AMPD1: variants seen among roughly 807,000 people sequenced by gnomAD.
The protein encoded by AMPD1 is adenosine monophosphate deaminase 1.
Under a neutral mutation model 82.9 loss-of-function variants are expected in AMPD1, and 74 were observed. That is an observed-to-expected ratio of 0.89 (90% CI 0.74 to 1.08). The LOEUF is 1.08. Among genes scored for constraint, AMPD1 ranks in the 50% least tolerant of loss-of-function variants. The pLI, the probability that AMPD1 is intolerant of heterozygous loss-of-function variation, is 0.00. For synonymous variants in AMPD1, 333 were observed against 320.5 expected, an observed-to-expected ratio of 1.04 and a Z score of -0.42; for missense variants, 881 against 924.5, an observed-to-expected ratio of 0.95 and a Z score of 0.61.
At position 114,675,627 on chromosome 1, in the gene AMPD1, G is replaced by A; in HGVS notation, c.1582C>T (p.Pro528Ser). ...TCCAATGTCCACTCCTGGGGCTTGG[G>A]ACTCTTGGAGGAGAACATGTGGCCA... ...HSGHMFSSKSPKPQEWTLEKN... is the reference protein window; with the variant it reads ...HSGHMFSSKSSKPQEWTLEKN... Residue 528 changes from proline (P) to serine (S), a missense_variant, in exon 12 of 16, where the codon CCC becomes TCC. Physicochemically the swap from Pro to Ser is moderately conservative, Grantham distance 74 (BLOSUM62 -1). This residue lies in a region of AMPD1 where 783 missense variants were observed against 786.4 expected (regional missense o/e 1.00). Coordinates refer to ENST00000520113, the MANE Select transcript of AMPD1 (RefSeq NM_000036.3). 1 of 1,614,202 alleles carries A rather than the reference G, an allele frequency of 6.2e-7. No individual in the cohort carries two copies. Among genetic ancestry groups the A allele is most frequent in the African/African-American group, 1.3e-5 (1 of 75,046 alleles).
rs1161639285 is a variant in AMPD1, at chr1:114,679,703, G to C, written c.773C>G (p.Thr258Ser). 24 of 1,613,778 alleles carry C rather than the reference G, an allele frequency of 1.5e-5. No individual in the cohort carries two copies. Among genetic ancestry groups the C allele is most frequent in the Non-Finnish European group, 1.9e-5 (22 of 1,179,964 alleles). Residue 258 changes from threonine to serine, a missense_variant, in exon 7 of 16, where the codon ACC (threonine) becomes AGC (serine). Physicochemically the swap from Thr to Ser is moderately conservative, Grantham distance 58 (BLOSUM62 1). Transcript: ENST00000520113. ...GAACTTCAGGCGCCGGTGGGTATAGGTCTTACTGTGAAAAATAAAATCACA... is the reference window on the plus strand; with the variant it reads ...GAACTTCAGGCGCCGGTGGGTATAGCTCTTACTGTGAAAAATAAAATCACA... ...LALIAQGPVK[T>S]YTHRRLKFLS...
At position 114,693,435 on chromosome 1, in the gene AMPD1, C is replaced by T. The variant is rs146599099; in HGVS notation, c.34+1G>A. On this transcript the variant is annotated splice_donor_variant, in intron 2 of 15. Transcript: ENST00000520113. LOFTEE classifies it high-confidence loss of function. ...GGCAGCAAAAGTAATGCAATACTCA[C>T]GTTTCTCTTCAGCTGTATGAAGTAA... is the stretch of plus-strand genomic sequence containing the variant. 29 of 1,609,646 alleles carry T rather than the reference C, an allele frequency of 1.8e-5. No individual in the cohort carries two copies. The highest frequency in any genetic ancestry group is 8.0e-5 in the African/African-American group (6 of 74,844).
At position 114,678,024 on chromosome 1, in the gene AMPD1, C is replaced by A; in HGVS notation, c.1110G>T (p.Gln370His). The A allele has an allele frequency of 6.2e-7, 1 of 1,613,966 alleles. No homozygotes were observed. Among genetic ancestry groups the A allele is most frequent in the Non-Finnish European group, 8.5e-7 (1 of 1,180,006 alleles). ...ATTTGTCATTGAACTTATCAAAACG[C>A]TGGAAGGTCTGGCGTCCCTGAATCA... is the stretch of plus-strand genomic sequence containing the variant. ...LDVHAGRQTF[Q>H]RFDKFNDKYN... The change falls in exon 9 of 16, where the codon CAG becomes CAT. Residue 370 changes from glutamine to histidine, a missense_variant. Coordinates refer to ENST00000520113, the MANE Select transcript of AMPD1 (RefSeq NM_000036.3).
rs376193713 is a variant in AMPD1 at position 114,678,467 on chromosome 1, T to C, written c.958A>G (p.Lys320Glu). ...TCAGCATCAATTTGGTAAGATTTCT[T>C]AATAAAACGCAGCAGATGTTTCTGG... The part of the protein sequence containing the change: ...MNQKHLLRFI[K>E]KSYQIDADRV... The change falls in exon 8 of 16, where the codon AAG becomes GAG. Residue 320 changes from lysine (K) to glutamate (E), a missense_variant. Around this residue, in one of 2 missense-constraint regions of AMPD1, gnomAD observed 783 missense variants for 786.4 expected, o/e 1.00. Transcript: ENST00000520113. 93 of 1,614,072 alleles carry C rather than the reference T, an allele frequency of 5.8e-5. No individual in the cohort carries two copies. The highest frequency in any genetic ancestry group is 7.7e-5 in the Non-Finnish European group (91 of 1,180,034).
chr1:114,688,935 C>T (rs975870720), intron 2 of AMPD1, 194 bp from the exon 3 acceptor site: 4 of 762,116 alleles, frequency 5.2e-6, no homozygotes, highest in African/African-American at 3.4e-5. Context: ...TGAAAATATG[C>T]TCTCAGAAAC....
At chr1:114,677,621 G>A (rs1658027749) in intron 9 of AMPD1, 107 bp from the exon 10 acceptor site, 1 of 1,461,034 alleles carries the variant, frequency 6.8e-7, no homozygotes. Context: ...ATCTGAAAAG[G>A]CTAGGTCCTT....
intron 10 of AMPD1, among the ~76,000 whole-genome samples, chr1:114,677,009 G>A (rs1658002715): frequency 6.6e-6 from 1 of 152,110 alleles, no homozygotes; most frequent in African/African-American, 2.4e-5. Context: ...AGATGAGCAT[G>A]GGAAGGAATG....
At chr1:114,680,708 T>C (rs1001499498) in intron 5 of AMPD1, among the ~76,000 whole-genome samples, 4 of 152,234 alleles carry the variant, frequency 2.6e-5, no homozygotes, top group Admixed American at 6.5e-5. Context: ...GGCTCGTGCC[T>C]GTAATCCCAG....
At chr1:114,681,468 G>A (rs757421343) in intron 5 of AMPD1, among the ~76,000 whole-genome samples, 3 of 151,598 alleles carry the variant, frequency 2.0e-5, no homozygotes, top group African/African-American at 4.9e-5. Flanking sequence ...GGTGGTGTGC[G>A]CCTGTAGTCC....
At chr1:114,685,898 A>C (rs950881081) in intron 4 of AMPD1, among the ~76,000 whole-genome samples, 2 of 152,156 alleles carry the variant, frequency 1.3e-5, no homozygotes, top group Non-Finnish European at 2.9e-5. Context: ...TGTCACTTTT[A>C]AGTATCTTAG....
chr1:114,692,550 G>A (rs1284591041), intron 2 of AMPD1, among the ~76,000 whole-genome samples: 1 of 151,922 alleles, frequency 6.6e-6, no homozygotes, highest in Non-Finnish European at 1.5e-5. Context: ...CAGATGGGTG[G>A]TGGGCACCTG....
At chr1:114,681,316 T>G (rs1023154815) in intron 5 of AMPD1, among the ~76,000 whole-genome samples, 9 of 151,926 alleles carry the variant, frequency 5.9e-5, no homozygotes, top group Non-Finnish European at 1.3e-4. Flanking sequence ...GTTTCCAGGC[T>G]GGGCACAGTG....
In AMPD1 at chr1:114,678,517, T is replaced by C. The variant is rs375516946; in HGVS notation, c.908A>G (p.His303Arg). 1.2e-6 allele frequency: 2 copies of C among 1,613,742 alleles called. No homozygotes were observed. Among genetic ancestry groups the C allele is most frequent in the East Asian group, 2.2e-5 (1 of 44,902 alleles). Reference protein sequence around the residue: ...DFYNCRKVDTHIHAAACMNQK... With the variant: ...DFYNCRKVDTRIHAAACMNQK... ...GTTCATGCAAGCGGCTGCATGGATATGGGTGTCCACCTGTATGTATATTCA... is the reference window on the plus strand; with the variant it reads ...GTTCATGCAAGCGGCTGCATGGATACGGGTGTCCACCTGTATGTATATTCA... Residue 303 changes from histidine to arginine, a missense_variant, in exon 8 of 16, where the codon CAT becomes CGT. Physicochemically the swap from His to Arg is conservative, Grantham distance 29. Coordinates refer to ENST00000520113, the MANE Select transcript of AMPD1 (RefSeq NM_000036.3).
chr1:114,681,895 T>A (rs142232577), intron 5 of AMPD1, among the ~76,000 whole-genome samples: 190 of 152,228 alleles, frequency 1.2e-3, no homozygotes, highest in African/African-American at 4.5e-3. Context: ...GGTTTTAATG[T>A]AAAAAAGAGA....
intron 9 of AMPD1, 63 bp downstream of exon 9, chr1:114,677,847 T>TTCCTTCCTTCCA (rs1658044946): frequency 1.1e-5 from 15 of 1,363,402 alleles, no homozygotes; most frequent in Non-Finnish European, 1.5e-5. Flanking sequence ...CCTTCCTTCC[T>TTCCTTCCTTCCA]TCCTTCTTCC....
rs1324025435 is a variant in AMPD1 at position 114,678,474 on chromosome 1, A to G, written c.951T>C (p.Arg317=). 4 of 1,614,086 alleles carry G rather than the reference A, an allele frequency of 2.5e-6. No homozygotes were observed. Among genetic ancestry groups the G allele is most frequent in the Non-Finnish European group, 3.4e-6 (4 of 1,180,040 alleles). The change falls in exon 8 of 16, where the codon CGT becomes CGC. Residue 317 remains arginine (R), a synonymous_variant. Transcript: ENST00000520113. ...AACMNQKHLL[R]FIKKSYQIDA... is the part of the protein sequence containing the mutation. ...CAATTTGGTAAGATTTCTTAATAAA[A>G]CGCAGCAGATGTTTCTGGTTCATGC...
At chr1:114,682,970 A>G (rs183666158) in intron 5 of AMPD1, among the ~76,000 whole-genome samples, 275 of 152,362 alleles carry the variant, frequency 1.8e-3, no homozygotes, top group African/African-American at 6.3e-3. Context: ...TGTGTATATA[A>G]AGATGCTTAT....
chr1:114,679,819 A>G, intron 6 of AMPD1, 111 bp from the exon 7 acceptor site: 1 of 1,311,448 alleles, frequency 7.6e-7, no homozygotes, highest in Non-Finnish European at 1.1e-6. Context: ...AATTGTTGGA[A>G]CAAACCTTTT....
intron 2 of AMPD1, among the ~76,000 whole-genome samples, chr1:114,691,967 G>A (rs1658528962): frequency 6.6e-6 from 1 of 152,090 alleles, no homozygotes; most frequent in South Asian, 2.1e-4. Context: ...GAAAATGTGT[G>A]TATTAACAGC....
Sources: allele counts gnomAD v4.1 joint callset (sites outside exome capture counted in the v4.1 genomes callset), GRCh38; gene constraint gnomAD v4.1.1; regional missense constraint gnomAD v4.1.1; transcripts MANE v1.5; gene names NCBI Gene and HGNC (gene_info 2026-07-23, HGNC 2026-07-21).